DENND2B: variants seen among roughly 807,000 people sequenced by gnomAD.
DENND2B encodes DENN domain containing 2B, also known as DENN domain-containing protein 2B.
DENND2B carries 32 observed loss-of-function variants against 116.0 expected under a neutral mutation model. That is an observed-to-expected ratio of 0.28 (90% CI 0.21 to 0.37). The LOEUF (loss-of-function observed/expected upper bound fraction) is 0.37, where lower values mean the gene tolerates loss of function less well. Among genes scored for constraint, DENND2B ranks in the 10% least tolerant of loss-of-function variants. The pLI is 1.00. For synonymous variants in DENND2B, 588 were observed against 583.9 expected (o/e 1.01, Z -0.10); for missense variants, 1,276 against 1,477.7 (o/e 0.86, Z 2.24).
In DENND2B at chr11:8,719,328, G is replaced by T. The variant is rs1273569537; in HGVS notation, c.1478-1436C>A. On this transcript the variant is annotated intron_variant, in intron 4 of 19. Transcript: ENST00000313726. ...TTTAGGAAATGCTCTAACAGAGTTA[G>T]GGTGTGGGTGTGAAGGAGGGATTTC... Among the ~76,000 whole-genome samples, 4 of 152,212 alleles carry T rather than the reference G, an allele frequency of 2.6e-5. No individual in the cohort carries two copies. In the East Asian group the frequency reaches 7.7e-4, roughly 29 times the overall value.
At chr11:8,710,607 G>T (rs1404874719) in intron 11 of DENND2B, among the ~76,000 whole-genome samples, 1 of 152,028 alleles carries the variant, frequency 6.6e-6, no homozygotes, top group Non-Finnish European at 1.5e-5. Context: ...GATAACCTCC[G>T]ATCCTAAGGC....
At chr11:8,773,714 G>C (rs570703423) in intron 1 of DENND2B, among the ~76,000 whole-genome samples, 5 of 152,020 alleles carry the variant, frequency 3.3e-5, no homozygotes, top group Non-Finnish European at 7.4e-5. Context: ...AAATTACCAA[G>C]TTGGAATCTC....
chr11:8,839,577 T>G (rs2062555758), intron 3 of DENND2B, among the ~76,000 whole-genome samples: 1 of 152,218 alleles, frequency 6.6e-6, no homozygotes, highest in Non-Finnish European at 1.5e-5. Context: ...CCCTCACTTC[T>G]GAGGTGACCA....
At chr11:8,767,020 T>C (rs1156966689) in intron 1 of DENND2B, among the ~76,000 whole-genome samples, 1 of 152,062 alleles carries the variant, frequency 6.6e-6, no homozygotes, top group Admixed American at 6.6e-5. Context: ...TGGCCAAATA[T>C]GAAGATGATC....
chr11:8,865,025 A>G (rs1205998647), intron 2 of DENND2B, among the ~76,000 whole-genome samples: 3 of 152,236 alleles, frequency 2.0e-5, no homozygotes, highest in African/African-American at 7.2e-5. Context: ...AATTCCCAGC[A>G]TATTCTAATT....
intron 1 of DENND2B, among the ~76,000 whole-genome samples, chr11:8,801,701 G>GAAAGA (rs796319245): frequency 1.4e-5 from 2 of 145,644 alleles, no homozygotes; most frequent in Non-Finnish European, 3.0e-5. Context: ...AAGAAAGAAA[G>GAAAGA]AAACAAACAA....
intron 4 of DENND2B, among the ~76,000 whole-genome samples, chr11:8,827,322 C>T (rs1417583471): frequency 6.6e-6 from 1 of 152,176 alleles, no homozygotes; most frequent in East Asian, 1.9e-4. Flanking sequence ...CAGAACACTC[C>T]CTTCTTACAA....
intron 2 of DENND2B, among the ~76,000 whole-genome samples, chr11:8,737,888 C>CA (rs1243086352): frequency 4.0e-5 from 6 of 151,630 alleles, no homozygotes; most frequent in Admixed American, 6.6e-5. Context: ...GCTGGGACTA[C>CA]AGGTTCATGC....
Position 8,714,703 on chromosome 11 carries a change from C to A in DENND2B, c.1849G>T (p.Val617Phe). 1 of 1,614,108 alleles carries A rather than the reference C, an allele frequency of 6.2e-7. No homozygotes were observed. Among genetic ancestry groups the A allele is most frequent in the Non-Finnish European group, 8.5e-7 (1 of 1,179,986 alleles). Residue 617 changes from valine (V) to phenylalanine (F), a missense_variant, in exon 7 of 20, where the codon GTC becomes TTC. Val to Phe is a conservative substitution (Grantham distance 50, BLOSUM62 -1). This residue lies in a region of DENND2B where 856 missense variants were observed against 846.6 expected (regional missense o/e 1.01). Transcript: ENST00000313726. ...SRRARRIPKLVQRINSIYNAK... is the reference protein window; with the variant it reads ...SRRARRIPKLFQRINSIYNAK... ...TTGTAGATGGAGTTAATTCTTTGGA[C>A]AAGCTGGGTGAGAAAAGCAGGATGG... is the stretch of plus-strand genomic sequence containing the variant.
At position 8,716,718 on chromosome 11, in the gene DENND2B, G is replaced by A. The variant is rs549845731; in HGVS notation, c.1630-900C>T. Among the ~76,000 whole-genome samples the A allele has an allele frequency of 2.6e-5, 4 of 151,922 alleles. No homozygotes were observed. In the South Asian group the frequency reaches 8.3e-4, roughly 32 times the overall value. ...GTAGGAGTGCAGTGGAGCGATCTTG[G>A]CTTACTGCAACCTCCGTCTTCCGAG... On this transcript the variant is annotated intron_variant, in intron 5 of 19. Coordinates refer to ENST00000313726, the MANE Select transcript of DENND2B (RefSeq NM_213618.2).
intron 14 of DENND2B, among the ~76,000 whole-genome samples, chr11:8,701,658 G>T (rs1038759012): frequency 6.6e-6 from 1 of 152,008 alleles, no homozygotes; most frequent in Non-Finnish European, 1.5e-5. Context: ...CATCGGAGCC[G>T]TATCACTTGT....
intron 1 of DENND2B, among the ~76,000 whole-genome samples, chr11:8,793,586 ATTGT>A (rs2059567353): frequency 6.6e-6 from 1 of 152,210 alleles, no homozygotes; most frequent in African/African-American, 2.4e-5. Flanking sequence ...TTCTTTGCAC[ATTGT>A]TTGTACATTT....
intron 1 of DENND2B, among the ~76,000 whole-genome samples, chr11:8,881,566 C>T (rs2063904094): frequency 6.6e-6 from 1 of 152,210 alleles, no homozygotes; most frequent in South Asian, 2.1e-4. Flanking sequence ...GAGACAGTCT[C>T]ACTCTGTCAC....
chr11:8,810,041 T>G (rs891996526), intron 1 of DENND2B: 8 of 129,662 alleles, frequency 6.2e-5, no homozygotes, highest in Non-Finnish European at 9.6e-5. Flanking sequence ...TGGCTGAGCT[T>G]AATTAGCCTT....
At chr11:8,811,410 G>A (rs1247944312), upstream of DENND2B, 12 of 397,930 alleles carry the variant, frequency 3.0e-5, no homozygotes, top group South Asian at 1.3e-4. Context: ...CAACCCAGAC[G>A]ACAAACCTGA....
chr11:8,734,195 T>C (rs2048581270), intron 2 of DENND2B, among the ~76,000 whole-genome samples: 1 of 152,234 alleles, frequency 6.6e-6, no homozygotes, highest in African/African-American at 2.4e-5. Flanking sequence ...CTACCTCTTA[T>C]TAGCAATGGA....
chr11:8,738,903 C>T (rs1044645454), intron 2 of DENND2B, among the ~76,000 whole-genome samples: 1 of 152,196 alleles, frequency 6.6e-6, no homozygotes, highest in Non-Finnish European at 1.5e-5. Flanking sequence ...ACCCTACCCC[C>T]TTTCAGGTAG....
At chr11:8,701,404 C>T (rs542359993) in intron 14 of DENND2B, among the ~76,000 whole-genome samples, 95 of 147,078 alleles carry the variant, frequency 6.5e-4, no homozygotes, top group Non-Finnish European at 1.3e-3. Flanking sequence ...ATCCCCTAAG[C>T]CCTATGCAAA....
At chr11:8,769,753 TC>T (rs1213572402) in intron 1 of DENND2B, among the ~76,000 whole-genome samples, 6 of 152,080 alleles carry the variant, frequency 3.9e-5, no homozygotes, top group Non-Finnish European at 7.4e-5. Context: ...TTACCACTGT[TC>T]CCCTGGCTGG....
Sources: allele counts gnomAD v4.1 joint callset (sites outside exome capture counted in the v4.1 genomes callset), GRCh38; gene constraint gnomAD v4.1.1; regional missense constraint gnomAD v4.1.1; transcripts MANE v1.5; gene names NCBI Gene and HGNC (gene_info 2026-07-23, HGNC 2026-07-21).